The following DUOX1 variants were observed in gnomAD, a reference collection of about 807,000 sequenced individuals.
DUOX1 encodes the protein dual oxidase 1.
DUOX1 carries 134 observed loss-of-function variants against 181.8 expected under a neutral mutation model. The observed-to-expected ratio is 0.74, with a 90% CI of 0.64 to 0.85. The LOEUF (loss-of-function observed/expected upper bound fraction) is 0.85. DUOX1 is among the 40% of genes least tolerant of loss of function. DUOX1 has a pLI of 0.00. For missense variants in DUOX1, 1,814 were observed against 2,064.4 expected (o/e 0.88, Z 2.35); for synonymous variants, 798 against 832.5 (o/e 0.96, Z 0.71).
At chr15:45,138,121 G>A in intron 10 of DUOX1, 107 bp downstream of exon 10, 1 of 810,556 alleles carries the variant, frequency 1.2e-6, no homozygotes, top group Non-Finnish European at 1.8e-6. Flanking sequence ...CATGGTGAAA[G>A]TGGTCAGTAA....
At position 45,144,189 on chromosome 15, in the gene DUOX1, G is replaced by A. The variant is rs574795349; in HGVS notation, c.2090G>A (p.Arg697His). The A allele has an allele frequency of 1.1e-5, 18 of 1,614,084 alleles. No individual in the cohort carries two copies. Among genetic ancestry groups the A allele is most frequent in the East Asian group, 2.2e-5 (1 of 44,890 alleles). The change falls in exon 17 of 34, where the codon CGT becomes CAT. Residue 697 changes from arginine (R) to histidine (H), a missense_variant. Arg to His is a conservative substitution (Grantham distance 29, BLOSUM62 0). Coordinates refer to ENST00000389037, the MANE Select transcript of DUOX1 (RefSeq NM_175940.3). ...QKVNFVLSSN[R>H]GRRTLLLKIP... ...GTCAACTTCGTCCTGTCCAGCAACC[G>A]TGGACGCCGCACTCTGCTGCTCAAG...
chr15:45,154,008 C>A lies in DUOX1; in HGVS notation c.3574+8C>A. 1.2e-6 allele frequency: 2 copies of A among 1,613,336 alleles called. No individual in the cohort carries two copies. The highest frequency in any genetic ancestry group is 1.7e-6 in the Non-Finnish European group (2 of 1,179,320). ...TCTTCCAGACCGTACCAGGTGAGAA[C>A]CCTCCTTGATCCATGAATTTCTGGA... On this transcript the variant is annotated splice_region_variant and intron_variant, in intron 27 of 33. Transcript: ENST00000389037.
intron 28 of DUOX1, among the ~76,000 whole-genome samples, chr15:45,158,499 A>G (rs905351502): frequency 6.6e-6 from 1 of 151,882 alleles, no homozygotes; most frequent in Admixed American, 6.6e-5. Context: ...ACCTGAGATC[A>G]GGAGTTGGAG....
chr15:45,143,349 A>C (rs1300352774), intron 16 of DUOX1, 46 bp downstream of exon 16: 2 of 1,487,264 alleles, frequency 1.3e-6, no homozygotes, highest in East Asian at 2.3e-5. Flanking sequence ...GACATGGCTC[A>C]GCGCTACAGC....
chr15:45,145,065 G>A lies in DUOX1; in HGVS notation c.2307G>A (p.Arg769=). 1 of 1,606,142 alleles carries A rather than the reference G, an allele frequency of 6.2e-7. No homozygotes were observed. The highest frequency in any genetic ancestry group is 8.5e-7 in the Non-Finnish European group (1 of 1,176,534). ...GGCACCTCCTGGAGACCTTTTTCAG[G>A]CACCTTTTCTCCCAGGTGTGTACAT... ...QRRHLLETFF[R]HLFSQVLDIN... The change falls in exon 18 of 34, where the codon AGG becomes AGA. Residue 769 remains arginine (R), a synonymous_variant. Transcript: ENST00000389037.
chr15:45,149,388 G>A (rs934717778), intron 21 of DUOX1, among the ~76,000 whole-genome samples: 7 of 152,232 alleles, frequency 4.6e-5, no homozygotes, highest in Non-Finnish European at 8.8e-5. Flanking sequence ...CAGGGGCAAC[G>A]AAGGTGCATG....
rs559724860 is a variant in DUOX1 at position 45,147,456 on chromosome 15, C to A, written c.2346C>A (p.Asp782Glu). The part of the protein sequence containing the change: ...FSQVLDINQA[D>E]AGTLPLDSSQ... The stretch of plus-strand genomic sequence containing the variant: ...AGGTGCTGGACATCAACCAGGCCGA[C>A]GCAGGGACCCTGCCCCTGGACTCCT... The change falls in exon 19 of 34, where the codon GAC becomes GAA. Residue 782 changes from aspartate (D) to glutamate (E), a missense_variant. By Grantham distance (45) the Asp-to-Glu change is conservative. This residue lies in a region of DUOX1 where 1,064 missense variants were observed against 1,152.9 expected (regional missense o/e 0.92). Coordinates refer to ENST00000389037, the MANE Select transcript of DUOX1 (RefSeq NM_175940.3). The A allele has an allele frequency of 1.2e-5, 19 of 1,613,704 alleles. No homozygotes were observed. The highest frequency in any genetic ancestry group is 1.6e-5 in the Non-Finnish European group (19 of 1,179,902).
intron 9 of DUOX1, among the ~76,000 whole-genome samples, chr15:45,137,637 G>GTA (rs1191909486): frequency 4.6e-5 from 7 of 151,910 alleles, no homozygotes; most frequent in Non-Finnish European, 7.4e-5. Flanking sequence ...ATATAACTGT[G>GTA]TATATATATA....
Position 45,161,077 on chromosome 15 carries a change from G to A in DUOX1, c.3856+87G>A, listed in dbSNP as rs572935776. The A allele has an allele frequency of 1.6e-4, 244 of 1,572,128 alleles. 3 individuals carry two copies. In the South Asian group the frequency reaches 2.4e-3, roughly 15 times the overall value. On this transcript the variant is annotated intron_variant, in intron 29 of 33. Coordinates refer to ENST00000389037, the MANE Select transcript of DUOX1 (RefSeq NM_175940.3). ...GTCTAGACCGCACAGTCTCCTGGTCGGGCCCAGTGGAGCTGGCAGGTGCCT... is the reference window on the plus strand; with the variant it reads ...GTCTAGACCGCACAGTCTCCTGGTCAGGCCCAGTGGAGCTGGCAGGTGCCT...
At chr15:45,134,668 C>G (rs1255933056) in intron 4 of DUOX1, among the ~76,000 whole-genome samples, 1 of 152,128 alleles carries the variant, frequency 6.6e-6, no homozygotes, top group Non-Finnish European at 1.5e-5. Context: ...AGGCATTGCC[C>G]CATGGCTTCT....
Position 45,148,373 on chromosome 15 carries a change from T to G in DUOX1, c.2744T>G (p.Leu915Arg), listed in dbSNP as rs1326457431. ...TCGGGATTCCAGGACAAGGAGGAAC[T>G]GACATGGGAAGATTTTCACTTCATG... ...RESGFQDKEE[L>R]TWEDFHFMLR... Residue 915 changes from leucine to arginine, a missense_variant, in exon 21 of 34, where the codon CTG (leucine) becomes CGG (arginine). Physicochemically the swap from Leu to Arg is moderately radical, Grantham distance 102. Coordinates refer to ENST00000389037, the MANE Select transcript of DUOX1 (RefSeq NM_175940.3). The G allele has an allele frequency of 1.2e-6, 2 of 1,614,048 alleles. No individual in the cohort carries two copies. Among genetic ancestry groups the G allele is most frequent in the Non-Finnish European group, 8.5e-7 (1 of 1,180,024 alleles).
chr15:45,140,480 A>C (rs73406368), intron 12 of DUOX1: 2,183 of 175,500 alleles, frequency 0.012, 49 homozygotes, highest in African/African-American at 0.049. Flanking sequence ...TATGTTTTTG[A>C]AAACTGTCTC....
chr15:45,161,670 G>T, intron 29 of DUOX1, 68 bp from the exon 30 acceptor site: 1 of 1,388,510 alleles, frequency 7.2e-7, no homozygotes, highest in Non-Finnish European at 1.0e-6. Context: ...TGTGGGTGGG[G>T]AGCTCTCTGG....
rs1896871267 is a variant in DUOX1 at position 45,153,448 on chromosome 15, TGCCTCTTTCCTG to T, written c.3501_3512del (p.Pro1168_Phe1171del). Reference sequence around the variant, plus strand: ...CATCAGCCCCCTCAGCGTCCTCTCTTGCCTCTTTCCTGGCCTCTTCCATGATGATGGGTGAGT... The same window carrying T: ...CATCAGCCCCCTCAGCGTCCTCTCTTGCCTCTTCCATGATGATGGGTGAGT... On this transcript the variant is annotated inframe_deletion, in exon 26 of 34. Coordinates refer to ENST00000389037, the MANE Select transcript of DUOX1 (RefSeq NM_175940.3). 1.2e-6 allele frequency: 2 copies of T among 1,613,508 alleles called. No individual in the cohort carries two copies. Among genetic ancestry groups the T allele is most frequent in the African/African-American group, 1.3e-5 (1 of 74,702 alleles).
intron 15 of DUOX1, 36 bp downstream of exon 15, chr15:45,142,148 T>C (rs375650440): frequency 1.5e-5 from 24 of 1,600,412 alleles, no homozygotes; most frequent in Non-Finnish European, 2.0e-5. Flanking sequence ...GGGTGAGAGA[T>C]GCAAGCTAGG....
chr15:45,139,052 C>T lies in DUOX1; in HGVS notation c.1114-14C>T. 6.2e-7 allele frequency: 1 copy of T among 1,611,324 alleles called. No individual in the cohort carries two copies. The highest frequency in any genetic ancestry group is 8.5e-7 in the Non-Finnish European group (1 of 1,178,566). ...TAACCACACCCCTTTCCTCCCCACC[C>T]CCAACCTATAAAGCACCCAAGCCTA... is the stretch of plus-strand genomic sequence containing the variant. On this transcript the variant is annotated splice_polypyrimidine_tract_variant and intron_variant, in intron 10 of 33. Coordinates refer to ENST00000389037, the MANE Select transcript of DUOX1 (RefSeq NM_175940.3).
At chr15:45,152,185 G>T (rs577010731) in intron 24 of DUOX1, 101 bp from the exon 25 acceptor site, 3 of 1,466,236 alleles carry the variant, frequency 2.0e-6, no homozygotes, top group South Asian at 2.6e-5. Flanking sequence ...CTGTGCGGGG[G>T]AGGCCTGTTG....
At position 45,154,118 on chromosome 15, in the gene DUOX1, T is replaced by C. The variant is rs186030778; in HGVS notation, c.3574+118T>C. On this transcript the variant is annotated intron_variant, in intron 27 of 33. Coordinates refer to ENST00000389037, the MANE Select transcript of DUOX1 (RefSeq NM_175940.3). Reference sequence around the variant, plus strand: ...ACTCAGCTCTTCCGGTGACCCAGGCTCTGTCCTCTGGCCTGAGGACACTAC... The same window carrying C: ...ACTCAGCTCTTCCGGTGACCCAGGCCCTGTCCTCTGGCCTGAGGACACTAC... The C allele has an allele frequency of 1.4e-4, 131 of 951,640 alleles. No homozygotes were observed. In the African/African-American group the frequency reaches 1.9e-3, roughly 14 times the overall value. The allele number at this position is 951,640 out of a possible 1,614,324, so 58.9% of individuals were successfully genotyped here.
rs542591763 is a variant in DUOX1 at position 45,134,641 on chromosome 15, C to T, written c.307+332C>T. Among the ~76,000 whole-genome samples the T allele has an allele frequency of 4.6e-5, 7 of 152,206 alleles. No homozygotes were observed. The South Asian group carries it at 8.3e-4, about 18-fold the overall frequency. Reference sequence around the variant, plus strand: ...TGAAAATAATCTGGGAGGGCCTCTCCGTGGGACCCTGTTCTTAGGCATTGC... The same window carrying T: ...TGAAAATAATCTGGGAGGGCCTCTCTGTGGGACCCTGTTCTTAGGCATTGC... On this transcript the variant is annotated intron_variant, in intron 4 of 33. Coordinates refer to ENST00000389037, the MANE Select transcript of DUOX1 (RefSeq NM_175940.3).
Sources: gnomAD v4.1 joint callset for allele counts (sites outside exome capture counted in the v4.1 genomes callset) on GRCh38, gnomAD v4.1.1 for gene constraint, gnomAD v4.1.1 regional missense constraint, MANE v1.5 for transcripts, NCBI Gene and HGNC (gene_info 2026-07-23, HGNC 2026-07-21) for gene names.